Variants in MYO15B observed in about 807,000 individuals in gnomAD.
MYO15B encodes myosin XVB pseudogene.
MYO15B carries 207 observed loss-of-function variants against 119.3 expected under a neutral mutation model. The ratio of observed to expected loss-of-function variants is 1.73; its 90% CI spans 1.55 to 1.95. The LOEUF (loss-of-function observed/expected upper bound fraction) is 1.95, where lower values mean the gene tolerates loss of function less well. Among genes scored for constraint, MYO15B ranks in the 30% most tolerant of loss-of-function variants. MYO15B has a pLI of 0.00. For missense variants in MYO15B, 2,264 were observed against 1,203.1 expected, an observed-to-expected ratio of 1.88 and a Z score of -13.04; for synonymous variants, 966 against 498.9, an observed-to-expected ratio of 1.94 and a Z score of -12.48.
At chr17:75,592,831 C>T (rs1304707756) in exon 9 of MYO15B, 2 of 701,996 alleles carry the variant, frequency 2.8e-6, no homozygotes, top group Middle Eastern at 2.3e-4. Flanking sequence ...TCTGCTTCTC[C>T]TCCTCAGAGG....
intron 21 of MYO15B, among the ~76,000 whole-genome samples, chr17:75,607,529 C>A (rs531714812): frequency 2.6e-5 from 4 of 151,862 alleles, no homozygotes; most frequent in African/African-American, 9.7e-5. Context: ...CGGCTCACTG[C>A]AACCTCTGCC....
At chr17:75,618,629 A>G (rs1431277728) in intron 43 of MYO15B, among the ~76,000 whole-genome samples, 1 of 152,256 alleles carries the variant, frequency 6.6e-6, no homozygotes, top group Non-Finnish European at 1.5e-5. Flanking sequence ...CGCCTGGGTG[A>G]CAGAGCGAGA....
At position 75,617,077 on chromosome 17, in the gene MYO15B, C is replaced by G. The variant is rs1156351194; in HGVS notation, c.6595-8C>G. ...CTCAGCCCGTGTACTTTCTCCGTAT[C>G]CCCCCAGATGCTGTCCCCCAGCCCA... On this transcript the variant is annotated splice_polypyrimidine_tract_variant and splice_region_variant and intron_variant, in intron 40 of 63. Transcript: ENST00000645453. The G allele has an allele frequency of 5.9e-6, 4 of 682,692 alleles. No homozygotes were observed. The Admixed American group carries it at 6.2e-5, about 11-fold the overall frequency. The allele number at this position is 682,692 out of a possible 1,614,324, so 42.3% of individuals were successfully genotyped here. A position where few individuals can be genotyped will look rare whatever the true frequency, so the allele number is the denominator to read the frequency against.
At chr17:75,607,718 C>T (rs1338869675) in intron 21 of MYO15B, among the ~76,000 whole-genome samples, 1 of 152,146 alleles carries the variant, frequency 6.6e-6, no homozygotes, top group Non-Finnish European at 1.5e-5. Flanking sequence ...GCCTCAGCCT[C>T]TCAAAGTGCT....
intron 15 of MYO15B, among the ~76,000 whole-genome samples, chr17:75,601,838 C>G (rs3760124): frequency 6.6e-6 from 1 of 152,148 alleles, no homozygotes; most frequent in Non-Finnish European, 1.5e-5. Flanking sequence ...CAGTTTACTT[C>G]GCCTTCTGAG....
At chr17:75,603,947 G>A (rs2057452271) in intron 19 of MYO15B, among the ~76,000 whole-genome samples, 1 of 152,208 alleles carries the variant, frequency 6.6e-6, no homozygotes, top group African/African-American at 2.4e-5. Context: ...TCTCGTTGAT[G>A]TCCAGCTGAG....
intron 21 of MYO15B, among the ~76,000 whole-genome samples, chr17:75,609,331 C>T (rs562731105): frequency 9.9e-5 from 15 of 151,548 alleles, no homozygotes; most frequent in Non-Finnish European, 1.8e-4. Flanking sequence ...GCCGTCATGC[C>T]TGGCTAATTT....
rs1249089627 is a variant in MYO15B, at chr17:75,596,903, A to G, written c.3525+4A>G. ...CGCCCAGACATGGCTGTCCCAGGTA[A>G]GGGCCAGGATGGTGACCCCCCACCC... On this transcript the variant is annotated splice_donor_region_variant and intron_variant, in intron 14 of 63. Coordinates refer to ENST00000645453, the Ensembl canonical transcript of MYO15B. 1 of 698,278 alleles carries G rather than the reference A, an allele frequency of 1.4e-6. No homozygotes were observed. Among genetic ancestry groups the G allele is most frequent in the African/African-American group, 1.7e-5 (1 of 57,220 alleles). The allele number at this position is 698,278 out of a possible 1,614,324, so 43.3% of individuals were successfully genotyped here. A position where few individuals can be genotyped will look rare whatever the true frequency, so the allele number is the denominator to read the frequency against.
chr17:75,626,629 AG>A (rs1245981437), exon 64 of MYO15B: 2 of 625,106 alleles, frequency 3.2e-6, no homozygotes, highest in African/African-American at 3.6e-5. Flanking sequence ...GCCATGAGGC[AG>A]GGGCTGCTAT....
intron 29 of MYO15B, 88 bp from the exon 30 acceptor site, chr17:75,614,111 T>A (rs185845587): frequency 0.013 from 8,472 of 656,896 alleles, 68 homozygotes; most frequent in Non-Finnish European, 0.016. Context: ...CCTCCCTTCC[T>A]CAGCCCCCTG....
chr17:75,610,810 A>G (rs2147961787), intron 22 of MYO15B, 90 bp from the exon 23 acceptor site: 1 of 698,276 alleles, frequency 1.4e-6, no homozygotes, highest in Non-Finnish European at 2.6e-6. Context: ...TCCCAGGGGC[A>G]GGAGGGGACA....
intron 3 of MYO15B, 76 bp downstream of exon 3, chr17:75,591,092 T>A (rs989874002): frequency 5.5e-5 from 38 of 696,172 alleles, no homozygotes; most frequent in African/African-American, 5.4e-4. Context: ...TTGACTGAGG[T>A]CCCGGGGCCT....
At chr17:75,599,144 C>T (rs983492594) in intron 14 of MYO15B, among the ~76,000 whole-genome samples, 4 of 152,192 alleles carry the variant, frequency 2.6e-5, no homozygotes, top group African/African-American at 7.2e-5. Flanking sequence ...GCAATCCTCC[C>T]ACCGTTGCCT....
chr17:75,625,430 C>A, intron 60 of MYO15B, 97 bp from the exon 61 acceptor site: 1 of 673,742 alleles, frequency 1.5e-6, no homozygotes, highest in Non-Finnish European at 2.7e-6. Context: ...GATGTCTAGT[C>A]TTGCCCACAA....
rs1363702886 is a variant in MYO15B, at chr17:75,587,996, CCAAATCCCCGGGGAGGG to C, written c.-61_-45del. ...CTGCACAGAAGGTCACCGCGGGAGG[CCAAATCCCCGGGGAGGG>C]GAAAGGACCTGGGCGTCGGGAAGCC... On this transcript the variant is annotated 5_prime_UTR_variant, in exon 1 of 64. Coordinates refer to ENST00000645453, the Ensembl canonical transcript of MYO15B. 2.0e-5 allele frequency: 8 copies of C among 398,050 alleles called. No homozygotes were observed. In the South Asian group the frequency reaches 3.8e-4, roughly 19 times the overall value. 24.7% of individuals were successfully genotyped at this position (398,050 alleles called of 1,614,324 possible).
Position 75,615,593 on chromosome 17 carries a change from TA to T in MYO15B, c.5833del (p.Ile1945SerfsTer6). On this transcript the variant is annotated frameshift_variant, in exon 35 of 64. Coordinates refer to ENST00000645453, the Ensembl canonical transcript of MYO15B. LOFTEE classifies it high-confidence loss of function. ...CAGAACTTTATCCAGCAGCAGGCGC[TA>T]ATCCTGGTGAGCGCTGGCAGGGCCC... The T allele has an allele frequency of 1.4e-6, 1 of 699,376 alleles. No homozygotes were observed. The allele number at this position is 699,376 out of a possible 1,614,324, so 43.3% of individuals were successfully genotyped here.
intron 53 of MYO15B, among the ~76,000 whole-genome samples, chr17:75,623,097 C>T (rs958399973): frequency 6.6e-6 from 1 of 152,222 alleles, no homozygotes; most frequent in Non-Finnish European, 1.5e-5. Flanking sequence ...TTTGGGAGGC[C>T]GAGGCAGGTG....
exon 51 of MYO15B, chr17:75,621,403 A>T: frequency 1.4e-6 from 1 of 700,416 alleles, no homozygotes; most frequent in Non-Finnish European, 2.6e-6. Flanking sequence ...GGTGCAGTAC[A>T]CCAAGGTGGG....
chr17:75,616,571 G>C (rs1230950715), exon 39 of MYO15B: 2 of 703,022 alleles, frequency 2.8e-6, no homozygotes, highest in East Asian at 5.4e-5. Context: ...ATTGAAGCAA[G>C]GTGGGGCCAA....
Sources: gnomAD v4.1 joint callset for allele counts (sites outside exome capture counted in the v4.1 genomes callset) on GRCh38, gnomAD v4.1.1 for gene constraint, MANE v1.5 for transcripts, NCBI Gene and HGNC (gene_info 2026-07-23, HGNC 2026-07-21) for gene names.